Variants in GREB1L observed in about 807,000 individuals in gnomAD.
GREB1L encodes GREB1 like retinoic acid receptor coactivator.
GREB1L carries 17 observed loss-of-function variants against 200.8 expected under a neutral mutation model. That is an observed-to-expected ratio of 0.08 (90% CI 0.06 to 0.13). The LOEUF is 0.13. Among genes scored for constraint, GREB1L ranks in the 10% least tolerant of loss-of-function variants. The pLI, the probability that GREB1L is intolerant of heterozygous loss-of-function variation, is 1.00. For synonymous variants in GREB1L, 789 were observed against 893.0 expected (o/e 0.88, Z 2.08); for missense variants, 1,657 against 2,367.7 (o/e 0.70, Z 6.23).
intron 12 of GREB1L, among the ~76,000 whole-genome samples, chr18:21,450,354 C>T (rs2034459042): frequency 2.0e-5 from 3 of 152,264 alleles, no homozygotes; most frequent in Non-Finnish European, 4.4e-5. Flanking sequence ...GATTTTCTAT[C>T]AGGCACCCTC....
intron 2 of GREB1L, among the ~76,000 whole-genome samples, chr18:21,374,036 C>G (rs1364339555): frequency 2.0e-5 from 3 of 151,874 alleles, no homozygotes; most frequent in Non-Finnish European, 2.9e-5. Context: ...AGGTTTCACT[C>G]TGTCACCCAG....
At chr18:21,522,603 T>C in intron 32 of GREB1L, 55 bp from the exon 33 acceptor site, 1 of 1,341,496 alleles carries the variant, frequency 7.5e-7, no homozygotes, top group Non-Finnish European at 1.0e-6. Context: ...GAGATAAAGT[T>C]CTTTATAAAT....
chr18:21,303,178 T>G (rs2038646543), intron 1 of GREB1L, among the ~76,000 whole-genome samples: 1 of 152,170 alleles, frequency 6.6e-6, no homozygotes, highest in Non-Finnish European at 1.5e-5. Context: ...CACTCTACAT[T>G]GGCAAGCCTT....
At chr18:21,341,292 A>G (rs1205631739) in intron 1 of GREB1L, among the ~76,000 whole-genome samples, 1 of 152,198 alleles carries the variant, frequency 6.6e-6, no homozygotes, top group Non-Finnish European at 1.5e-5. Context: ...AACTGGAAAG[A>G]CAGGAGAGGC....
intron 1 of GREB1L, among the ~76,000 whole-genome samples, chr18:21,323,101 A>G (rs1173517107): frequency 6.6e-6 from 1 of 152,134 alleles, no homozygotes; most frequent in African/African-American, 2.4e-5. Context: ...CCTGGGCAAC[A>G]AGGCAAGACC....
At chr18:21,268,492 T>C (rs1285817361) in intron 1 of GREB1L, among the ~76,000 whole-genome samples, 2 of 137,926 alleles carry the variant, frequency 1.5e-5, no homozygotes, top group Non-Finnish European at 3.1e-5. Context: ...TGTGTGTGTA[T>C]ATATATACAT....
Position 21,363,296 on chromosome 18 carries a change from C to G in GREB1L, c.-119-2731C>G, listed in dbSNP as rs868156650. Among the ~76,000 whole-genome samples, 84 of 112,032 alleles carry G rather than the reference C, an allele frequency of 7.5e-4. 4 individuals are homozygous for G. The highest frequency in any genetic ancestry group is 1.7e-3 in the South Asian group (4 of 2,376). The allele number at this position is 112,032 out of a possible 152,430, so 73.5% of individuals were successfully genotyped here. A position where few individuals can be genotyped will look rare whatever the true frequency, so the allele number is the denominator to read the frequency against. The stretch of plus-strand genomic sequence containing the variant: ...ACTCCGCCTCCCCCCCGCCCCCCCC[C>G]CCCCACACACACAAGAACTCCTCCT... On this transcript the variant is annotated intron_variant, in intron 1 of 32. Transcript: ENST00000424526.
At chr18:21,262,745 A>G (rs534333970) in intron 1 of GREB1L, among the ~76,000 whole-genome samples, 1 of 152,290 alleles carries the variant, frequency 6.6e-6, no homozygotes, top group East Asian at 1.9e-4. Context: ...GCGGTGGGCC[A>G]GTGATATCAA....
intron 4 of GREB1L, among the ~76,000 whole-genome samples, chr18:21,384,670 G>A (rs1324502659): frequency 1.3e-5 from 2 of 152,024 alleles, no homozygotes; most frequent in Non-Finnish European, 1.5e-5. Context: ...GTTTAGAATT[G>A]CAGAGGCAAT....
chr18:21,393,240 G>A (rs1361756336), intron 4 of GREB1L, among the ~76,000 whole-genome samples: 4 of 152,166 alleles, frequency 2.6e-5, no homozygotes, highest in Admixed American at 2.0e-4. Context: ...TGCTCTCCTC[G>A]GGTTTGTGTA....
At chr18:21,392,381 C>T (rs2040860316) in intron 4 of GREB1L, among the ~76,000 whole-genome samples, 1 of 151,982 alleles carries the variant, frequency 6.6e-6, no homozygotes. Flanking sequence ...TTCCATGTAT[C>T]CATAGGCTCC....
At chr18:21,359,361 A>G (rs762220930) in intron 1 of GREB1L, among the ~76,000 whole-genome samples, 4 of 152,170 alleles carry the variant, frequency 2.6e-5, no homozygotes, top group Non-Finnish European at 4.4e-5. Context: ...GAGGCAGGAG[A>G]ATCATTTGAA....
chr18:21,414,457 G>A (rs989307389), intron 7 of GREB1L, among the ~76,000 whole-genome samples: 10 of 152,216 alleles, frequency 6.6e-5, no homozygotes, highest in African/African-American at 2.4e-4. Context: ...TAATCCAAAT[G>A]TATAGGTTAG....
chr18:21,401,371 C>A, intron 6 of GREB1L, 45 bp downstream of exon 6: 1 of 1,469,296 alleles, frequency 6.8e-7, no homozygotes, highest in Non-Finnish European at 9.3e-7. Flanking sequence ...GGAGATTTTA[C>A]GGTGGTGACA....
intron 15 of GREB1L, among the ~76,000 whole-genome samples, chr18:21,460,207 T>A (rs1325730167): frequency 6.6e-6 from 1 of 152,234 alleles, no homozygotes; most frequent in Non-Finnish European, 1.5e-5. Flanking sequence ...GCAGTTTCGC[T>A]CTTGTGGCCC....
intron 2 of GREB1L, among the ~76,000 whole-genome samples, chr18:21,373,972 A>G (rs983302798): frequency 6.6e-5 from 10 of 151,698 alleles, no homozygotes; most frequent in African/African-American, 2.4e-4. Flanking sequence ...CTCTTCAGGT[A>G]GTCTCGTATG....
At chr18:21,497,814 C>CA (rs1473033347) in intron 21 of GREB1L, among the ~76,000 whole-genome samples, 3 of 122,748 alleles carry the variant, frequency 2.4e-5, no homozygotes, top group Admixed American at 8.1e-5. Flanking sequence ...CCTCACCACC[C>CA]CCCCCCCTTT....
intron 1 of GREB1L, among the ~76,000 whole-genome samples, chr18:21,289,940 GC>G (rs2038420498): frequency 6.6e-6 from 1 of 152,158 alleles, no homozygotes; most frequent in African/African-American, 2.4e-5. Flanking sequence ...CAAAAAGGGT[GC>G]TGTCAGAGCT....
chr18:21,362,660 T>C (rs995583879), intron 1 of GREB1L, among the ~76,000 whole-genome samples: 4 of 152,226 alleles, frequency 2.6e-5, no homozygotes, highest in African/African-American at 4.8e-5. Context: ...ATCTCCATAA[T>C]TGGCATTGAC....
Sources: gnomAD v4.1 joint callset for allele counts (sites outside exome capture counted in the v4.1 genomes callset) on GRCh38, gnomAD v4.1.1 for gene constraint, MANE v1.5 for transcripts, NCBI Gene and HGNC (gene_info 2026-07-23, HGNC 2026-07-21) for gene names.